Variants in KCNH7 observed in about 807,000 individuals in gnomAD.
KCNH7 encodes potassium voltage-gated channel subfamily H member 7, also known as voltage-gated inwardly rectifying potassium channel KCNH7.
KCNH7 carries 49 observed loss-of-function variants against 120.8 expected under a neutral mutation model. The ratio of observed to expected loss-of-function variants is 0.41; its 90% CI spans 0.32 to 0.51. The LOEUF (loss-of-function observed/expected upper bound fraction) is 0.51. Among genes scored for constraint, KCNH7 ranks in the 20% least tolerant of loss-of-function variants. The probability of loss-of-function intolerance (pLI) is 0.38; values close to 1 mark genes in which losing one functional copy is unlikely to be tolerated. For missense variants in KCNH7, 1,097 were observed against 1,446.6 expected (o/e 0.76, Z 3.92); for synonymous variants, 547 against 516.1 (o/e 1.06, Z -0.81).
At chr2:162,414,238 T>G (rs2105471755) in intron 9 of KCNH7, among the ~76,000 whole-genome samples, 1 of 152,062 alleles carries the variant, frequency 6.6e-6, no homozygotes, top group South Asian at 2.1e-4. Context: ...ACATATAATC[T>G]TTAACTCAAA....
intron 2 of KCNH7, among the ~76,000 whole-genome samples, chr2:162,777,577 T>G (rs535437750): frequency 6.6e-6 from 1 of 152,254 alleles, no homozygotes; most frequent in East Asian, 1.9e-4. Flanking sequence ...ATCTCCTATA[T>G]AAGCCAAGCA....
At chr2:162,522,645 A>T (rs1691571977) in intron 3 of KCNH7, among the ~76,000 whole-genome samples, 1 of 151,946 alleles carries the variant, frequency 6.6e-6, no homozygotes, top group African/African-American at 2.4e-5. Flanking sequence ...AACTTGAATA[A>T]TTAAAATAGA....
At chr2:162,487,265 C>A (rs938709734) in intron 6 of KCNH7, among the ~76,000 whole-genome samples, 4 of 152,136 alleles carry the variant, frequency 2.6e-5, no homozygotes, top group Non-Finnish European at 5.9e-5. Flanking sequence ...ACATAACTTG[C>A]AATAGCAATT....
chr2:162,797,440 C>G (rs1160062517), intron 2 of KCNH7: 1 of 152,042 alleles, frequency 6.6e-6, no homozygotes, highest in Non-Finnish European at 1.5e-5. Flanking sequence ...ATTCACATAT[C>G]TTTGGGAACC....
intron 2 of KCNH7, among the ~76,000 whole-genome samples, chr2:162,809,189 C>G (rs1684648159): frequency 6.6e-6 from 1 of 152,088 alleles, no homozygotes; most frequent in East Asian, 1.9e-4. Context: ...TTATTAAACC[C>G]TGTATTGTAG....
chr2:162,470,503 C>T (rs1333550524), intron 6 of KCNH7, among the ~76,000 whole-genome samples: 9 of 152,040 alleles, frequency 5.9e-5, no homozygotes, highest in African/African-American at 2.2e-4. Context: ...AGGAGCCCCT[C>T]TGCCGGGCAG....
At chr2:162,607,042 ATATAT>A (rs1374481195) in intron 2 of KCNH7, among the ~76,000 whole-genome samples, 2 of 152,056 alleles carry the variant, frequency 1.3e-5, no homozygotes, top group Non-Finnish European at 2.9e-5. Context: ...AAAAACATGT[ATATAT>A]TATAACACTA....
chr2:162,435,086 A>G, intron 8 of KCNH7, 112 bp downstream of exon 8: 7 of 991,588 alleles, frequency 7.1e-6, no homozygotes, highest in Non-Finnish European at 8.8e-6. Flanking sequence ...TAATCCCATT[A>G]TCTCCTCAAT....
chr2:162,654,356 CA>C (rs199647181), intron 2 of KCNH7, among the ~76,000 whole-genome samples: 9 of 148,816 alleles, frequency 6.0e-5, no homozygotes, highest in Admixed American at 2.0e-4. Context: ...AGAAATTACT[CA>C]AAAAAAAACA....
intron 9 of KCNH7, among the ~76,000 whole-genome samples, chr2:162,403,476 T>A (rs764391512): frequency 5.9e-5 from 9 of 152,010 alleles, no homozygotes; most frequent in Non-Finnish European, 1.0e-4. Context: ...TGTACAGATA[T>A]GTTATCGGAA....
chr2:162,830,675 C>A (rs183533261), intron 2 of KCNH7, among the ~76,000 whole-genome samples: 1 of 152,110 alleles, frequency 6.6e-6, no homozygotes, highest in Admixed American at 6.5e-5. Flanking sequence ...GAAGTGTAGA[C>A]TTTTGGGATG....
chr2:162,661,510 T>C (rs1446090356), intron 2 of KCNH7, among the ~76,000 whole-genome samples: 10 of 152,204 alleles, frequency 6.6e-5, no homozygotes, highest in South Asian at 6.2e-4. Flanking sequence ...GGTCATTGTA[T>C]GTAATAGAAG....
intron 2 of KCNH7, among the ~76,000 whole-genome samples, chr2:162,678,791 T>C (rs1016555929): frequency 1.3e-4 from 19 of 151,534 alleles, no homozygotes; most frequent in Non-Finnish European, 4.4e-5. Context: ...CATATTTTCC[T>C]AGGAAGTACT....
rs1685948907 is a variant in KCNH7, at chr2:162,371,586, T to TA, written c.*242dup. On this transcript the variant is annotated 3_prime_UTR_variant, in exon 16 of 16. Transcript: ENST00000332142. ...ATGCATGTGATTTAAAAAATAAAAA[T>TA]AAAAAATAAGGTGCCGTGAGATGCT... is the stretch of plus-strand genomic sequence containing the variant. 1 of 879,634 alleles carries TA rather than the reference T, an allele frequency of 1.1e-6. No homozygotes were observed. Among genetic ancestry groups the TA allele is most frequent in the Non-Finnish European group, 1.6e-6 (1 of 635,350 alleles). The allele number at this position is 879,634 out of a possible 1,614,324, so 54.5% of individuals were successfully genotyped here. A position where few individuals can be genotyped will look rare whatever the true frequency, so the allele number is the denominator to read the frequency against.
At chr2:162,440,522 T>C (rs1195145318) in intron 7 of KCNH7, among the ~76,000 whole-genome samples, 1 of 152,072 alleles carries the variant, frequency 6.6e-6, no homozygotes, top group Non-Finnish European at 1.5e-5. Flanking sequence ...AGAAACTAGT[T>C]TCTAGTCCTT....
intron 2 of KCNH7, among the ~76,000 whole-genome samples, chr2:162,831,587 A>AACTAACC (rs990233417): frequency 6.6e-6 from 1 of 152,182 alleles, no homozygotes; most frequent in African/African-American, 2.4e-5. Context: ...CCTGTGGCTC[A>AACTAACC]ACTAACCGGG....
At chr2:162,629,621 A>G (rs910879063) in intron 2 of KCNH7, among the ~76,000 whole-genome samples, 3 of 152,056 alleles carry the variant, frequency 2.0e-5, no homozygotes, top group Non-Finnish European at 4.4e-5. Context: ...ATGAATGGTG[A>G]TGGTGCTGGA....
intron 2 of KCNH7, among the ~76,000 whole-genome samples, chr2:162,745,868 T>C (rs2105419762): frequency 6.6e-6 from 1 of 152,072 alleles, no homozygotes; most frequent in Admixed American, 6.5e-5. Context: ...TGTTTAGATT[T>C]AAAGAAAAAA....
chr2:162,750,342 A>C (rs1688495153), intron 2 of KCNH7, among the ~76,000 whole-genome samples: 1 of 147,624 alleles, frequency 6.8e-6, no homozygotes, highest in Admixed American at 6.6e-5. Context: ...GGGAGCAAAA[A>C]TTTAAAAAAT....
Sources: allele counts gnomAD v4.1 joint callset (sites outside exome capture counted in the v4.1 genomes callset), GRCh38; gene constraint gnomAD v4.1.1; transcripts MANE v1.5; gene names NCBI Gene and HGNC (gene_info 2026-07-23, HGNC 2026-07-21).